ITPR1: variants seen among roughly 807,000 people sequenced by gnomAD.
The protein encoded by ITPR1 is inositol 1,4,5-trisphosphate-gated calcium channel ITPR1.
Under a neutral mutation model 318.4 loss-of-function variants are expected in ITPR1, and 96 were observed. That is an observed-to-expected ratio of 0.30 (90% confidence interval 0.26 to 0.36). ITPR1 has a LOEUF of 0.36. Ranked by LOEUF, ITPR1 falls within the 10% of genes least tolerant of loss-of-function variation. The pLI is 1.00. For synonymous variants in ITPR1, 1,312 were observed against 1,289.9 expected, an observed-to-expected ratio of 1.02 and a Z score of -0.37; for missense variants, 2,440 against 3,460.2, an observed-to-expected ratio of 0.71 and a Z score of 7.40.
intron 4 of ITPR1, among the ~76,000 whole-genome samples, chr3:4,621,182 A>C (rs2092616739): frequency 6.6e-6 from 1 of 152,142 alleles, no homozygotes; most frequent in Non-Finnish European, 1.5e-5. Flanking sequence ...AAGATATACA[A>C]GAGGCTTAAT....
chr3:4,636,557 T>C (rs756620137), intron 5 of ITPR1, among the ~76,000 whole-genome samples: 2 of 152,082 alleles, frequency 1.3e-5, no homozygotes, highest in Non-Finnish European at 2.9e-5. Context: ...GCCTCCCAAG[T>C]AGCTGGGACT....
intron 44 of ITPR1, among the ~76,000 whole-genome samples, chr3:4,755,058 G>A (rs1455121422): frequency 2.6e-5 from 4 of 152,292 alleles, no homozygotes; most frequent in East Asian, 1.9e-4. Flanking sequence ...CCTCCAGGGT[G>A]GTGGCTGACC....
intron 5 of ITPR1, among the ~76,000 whole-genome samples, chr3:4,631,036 G>A (rs1273219137): frequency 6.6e-6 from 1 of 152,200 alleles, no homozygotes; most frequent in East Asian, 1.9e-4. Context: ...TCATGAAAGT[G>A]CATTGTTACA....
intron 36 of ITPR1, among the ~76,000 whole-genome samples, chr3:4,703,814 T>A (rs1199491118): frequency 1.3e-5 from 2 of 152,222 alleles, no homozygotes; most frequent in African/African-American, 4.8e-5. Flanking sequence ...TGGTAGGTGT[T>A]GATGTCTTTT....
At chr3:4,691,069 C>A in intron 31 of ITPR1, 75 bp from the exon 32 acceptor site, 1 of 1,008,362 alleles carries the variant, frequency 9.9e-7, no homozygotes, top group South Asian at 2.2e-5. Flanking sequence ...GTGGACTCTT[C>A]TTTTTCTCAC....
In ITPR1 at chr3:4,779,145, T is replaced by G. The variant is rs537460025; in HGVS notation, c.6292-405T>G. On this transcript the variant is annotated intron_variant, in intron 48 of 61. Coordinates refer to ENST00000649015, the MANE Select transcript of ITPR1 (RefSeq NM_001378452.1). The surrounding 1 kb of genome is among the most constrained non-coding windows in gnomAD (Gnocchi z 4.0). Reference sequence around the variant, plus strand: ...CTGGCCTGCAAGGCCAAATAACAGTTTGTAACCACACCTGCCCGGAAGGCA... The same window carrying G: ...CTGGCCTGCAAGGCCAAATAACAGTGTGTAACCACACCTGCCCGGAAGGCA... 2.6e-5 allele frequency among the ~76,000 whole-genome samples: 4 copies of G among 152,378 alleles called. No individual in the cohort carries two copies. Among genetic ancestry groups the G allele is most frequent in the African/African-American group, 9.6e-5 (4 of 41,584 alleles).
intron 4 of ITPR1, among the ~76,000 whole-genome samples, chr3:4,559,456 A>G (rs2086462082): frequency 6.6e-6 from 1 of 152,198 alleles, no homozygotes; most frequent in Non-Finnish European, 1.5e-5. Context: ...CTGTAAGGGT[A>G]TTTTTATAAA....
chr3:4,817,032 T>G (rs1262758302), intron 59 of ITPR1, among the ~76,000 whole-genome samples: 10 of 152,256 alleles, frequency 6.6e-5, no homozygotes, highest in Non-Finnish European at 1.5e-4. Context: ...CTATTTATTT[T>G]GATGTTCAAA....
At chr3:4,578,355 T>C (rs529499911) in intron 4 of ITPR1, among the ~76,000 whole-genome samples, 12 of 152,244 alleles carry the variant, frequency 7.9e-5, no homozygotes, top group Non-Finnish European at 1.3e-4. Flanking sequence ...GCAAAAATCA[T>C]AGGAGGGAGC....
chr3:4,837,604 G>T (rs189212335), intron 61 of ITPR1, among the ~76,000 whole-genome samples: 1 of 151,862 alleles, frequency 6.6e-6, no homozygotes, highest in Non-Finnish European at 1.5e-5. Flanking sequence ...AGCAGGATGC[G>T]GGCAGTACTG....
intron 60 of ITPR1, among the ~76,000 whole-genome samples, chr3:4,821,669 C>G (rs1384936039): frequency 1.3e-5 from 2 of 152,324 alleles, no homozygotes; most frequent in Admixed American, 1.3e-4. Flanking sequence ...GGTGGCTGCT[C>G]AGCCATGTAA....
At position 4,521,036 on chromosome 3, in the gene ITPR1, T is replaced by A; in HGVS notation, c.105T>A (p.Asp35Glu). The A allele has an allele frequency of 6.2e-7, 1 of 1,613,254 alleles. No individual in the cohort carries two copies. Among genetic ancestry groups the A allele is most frequent in the Non-Finnish European group, 8.5e-7 (1 of 1,179,230 alleles). The change falls in exon 4 of 62, where the codon GAT becomes GAA. Residue 35 changes from aspartate to glutamate, a missense_variant. Asp to Glu is a conservative substitution (Grantham distance 45). Coordinates refer to ENST00000649015, the MANE Select transcript of ITPR1 (RefSeq NM_001378452.1). ...GTCTTCTTTACAGCCTGGTTGATGA[T>A]CGTTGTGTTGTACAGCCAGAAACCG... Reference protein sequence around the residue: ...GFISTLGLVDDRCVVQPETGD... With the variant: ...GFISTLGLVDERCVVQPETGD...
chr3:4,760,199 A>G (rs2045338837), intron 44 of ITPR1, among the ~76,000 whole-genome samples: 1 of 152,256 alleles, frequency 6.6e-6, no homozygotes, highest in Non-Finnish European at 1.5e-5. Context: ...TTTATGAATG[A>G]TGATATCTGC....
chr3:4,526,225 G>A (rs1177977331), intron 4 of ITPR1, among the ~76,000 whole-genome samples: 2 of 152,174 alleles, frequency 1.3e-5, no homozygotes, highest in African/African-American at 4.8e-5. Flanking sequence ...AAAGCTGTTC[G>A]AAGGGAAACT....
chr3:4,744,124 C>T (rs1478157484), intron 44 of ITPR1, among the ~76,000 whole-genome samples: 3 of 152,212 alleles, frequency 2.0e-5, no homozygotes, highest in Admixed American at 6.5e-5. Flanking sequence ...GCGTGAGCCA[C>T]CACGCTGGCT....
chr3:4,696,532 T>C (rs1371730826), intron 33 of ITPR1, among the ~76,000 whole-genome samples: 1 of 152,232 alleles, frequency 6.6e-6, no homozygotes. Flanking sequence ...TTTGGATTGT[T>C]TCCGCTTTTT....
At chr3:4,711,656 T>C in intron 38 of ITPR1, 101 bp from the exon 39 acceptor site, 1 of 702,266 alleles carries the variant, frequency 1.4e-6, no homozygotes, top group Non-Finnish European at 2.5e-6. Flanking sequence ...TCTTAATAAA[T>C]ATTTGTTCAT....
chr3:4,836,965 T>A, intron 61 of ITPR1, 30 bp downstream of exon 61: 1 of 1,531,134 alleles, frequency 6.5e-7, no homozygotes, highest in Non-Finnish European at 8.9e-7. Flanking sequence ...GCGCCTACCC[T>A]CCCATCACTA....
At chr3:4,559,071 T>C (rs1335329374) in intron 4 of ITPR1, among the ~76,000 whole-genome samples, 1 of 152,134 alleles carries the variant, frequency 6.6e-6, no homozygotes, top group African/African-American at 2.4e-5. Flanking sequence ...TTGCCTAGGC[T>C]GGTCTCAAAC....
Sources: allele counts gnomAD v4.1 joint callset (sites outside exome capture counted in the v4.1 genomes callset), GRCh38; gene constraint gnomAD v4.1.1; non-coding constraint Gnocchi (gnomAD v3.1); transcripts MANE v1.5; gene names NCBI Gene and HGNC (gene_info 2026-07-23, HGNC 2026-07-21).